SRRM4: variants seen among roughly 807,000 people sequenced by gnomAD.
SRRM4 encodes the protein serine/arginine repetitive matrix 4, also known as serine/arginine repetitive matrix protein 4.
A neutral mutation model predicts 68.9 loss-of-function variants in SRRM4; 33 were observed. That is an observed-to-expected ratio of 0.48 (90% CI 0.36 to 0.64). SRRM4 has a LOEUF of 0.64. SRRM4 is among the 30% of genes least tolerant of loss of function. The pLI, the probability that SRRM4 is intolerant of heterozygous loss-of-function variation, is 0.00. For synonymous variants in SRRM4, 318 were observed against 318.8 expected, an observed-to-expected ratio of 1.00 and a Z score of 0.03; for missense variants, 817 against 827.1, an observed-to-expected ratio of 0.99 and a Z score of 0.15.
chr12:119,010,444 A>G (rs1257545418), intron 1 of SRRM4, among the ~76,000 whole-genome samples: 1 of 152,222 alleles, frequency 6.6e-6, no homozygotes, highest in Non-Finnish European at 1.5e-5. Flanking sequence ...TGGGAGGCCA[A>G]CAAGGGGTTT....
chr12:119,042,565 GA>G (rs1301893036), intron 1 of SRRM4, among the ~76,000 whole-genome samples: 18 of 151,542 alleles, frequency 1.2e-4, no homozygotes, highest in Non-Finnish European at 1.3e-4. Context: ...CTGAGAGGAA[GA>G]GGGGGTGGTA....
chr12:119,067,212 G>A (rs1201418307), intron 1 of SRRM4, among the ~76,000 whole-genome samples: 1 of 151,994 alleles, frequency 6.6e-6, no homozygotes, highest in Non-Finnish European at 1.5e-5. Context: ...TTTTACGAGG[G>A]CAGAAACCAT....
intron 1 of SRRM4, among the ~76,000 whole-genome samples, chr12:119,065,508 G>A (rs1454304045): frequency 1.3e-5 from 2 of 152,150 alleles, no homozygotes; most frequent in East Asian, 1.9e-4. Flanking sequence ...AGGCTGAAGC[G>A]GGAAGATCAC....
intron 1 of SRRM4, among the ~76,000 whole-genome samples, chr12:119,079,069 G>A (rs770287758): frequency 6.6e-6 from 1 of 152,220 alleles, no homozygotes; most frequent in Non-Finnish European, 1.5e-5. Flanking sequence ...AGGTGAGGGG[G>A]TGGTCCAGGA....
At chr12:119,106,889 G>A (rs1189606330) in intron 2 of SRRM4, among the ~76,000 whole-genome samples, 2 of 152,194 alleles carry the variant, frequency 1.3e-5, no homozygotes, top group East Asian at 1.9e-4. Context: ...TCTTGTGCCA[G>A]TTTTCAAAGG....
intron 2 of SRRM4, among the ~76,000 whole-genome samples, chr12:119,106,462 G>C (rs1244004608): frequency 2.0e-5 from 3 of 152,000 alleles, no homozygotes; most frequent in Non-Finnish European, 4.4e-5. Context: ...TCTTCCATTT[G>C]TTTGTGTCCT....
At chr12:118,987,110 C>T (rs765187791) in intron 1 of SRRM4, among the ~76,000 whole-genome samples, 1 of 152,104 alleles carries the variant, frequency 6.6e-6, no homozygotes, top group South Asian at 2.1e-4. Context: ...TATCCAGGCT[C>T]AAATCTTTCT....
Position 119,094,203 on chromosome 12 carries a change from C to T in SRRM4, c.132-8033C>T, listed in dbSNP as rs538433712. The stretch of plus-strand genomic sequence containing the variant: ...ACTGGACTAAGCCATTCTCATCCAT[C>T]GCCTGTGGAGAGGGAGTGGTGGGGA... On this transcript the variant is annotated intron_variant, in intron 1 of 12. Coordinates refer to ENST00000267260, the MANE Select transcript of SRRM4 (RefSeq NM_194286.4). 8.5e-5 allele frequency among the ~76,000 whole-genome samples: 13 copies of T among 152,182 alleles called. No homozygotes were observed. In the East Asian group the frequency reaches 1.2e-3, roughly 14 times the overall value.
At chr12:119,152,558 G>C (rs983913121) in intron 10 of SRRM4, among the ~76,000 whole-genome samples, 2 of 151,980 alleles carry the variant, frequency 1.3e-5, no homozygotes, top group Non-Finnish European at 2.9e-5. Flanking sequence ...GCTATTTCAG[G>C]TTTTTAATTC....
chr12:119,109,503 G>A (rs958137860), intron 2 of SRRM4, among the ~76,000 whole-genome samples: 1 of 152,148 alleles, frequency 6.6e-6, no homozygotes, highest in Non-Finnish European at 1.5e-5. Context: ...ATTTCTTGGA[G>A]GCTTTGTTCA....
intron 8 of SRRM4, among the ~76,000 whole-genome samples, chr12:119,142,569 G>T (rs1009733460): frequency 3.3e-5 from 5 of 152,224 alleles, no homozygotes; most frequent in Non-Finnish European, 5.9e-5. Context: ...CTAGGAACAA[G>T]TACTTGGGAG....
At chr12:119,091,227 A>G (rs927767652) in intron 1 of SRRM4, among the ~76,000 whole-genome samples, 1 of 152,176 alleles carries the variant, frequency 6.6e-6, no homozygotes, top group Non-Finnish European at 1.5e-5. Context: ...CCTGCAGTGG[A>G]GGGAGAGACA....
intron 2 of SRRM4, among the ~76,000 whole-genome samples, chr12:119,111,071 T>C (rs73408085): frequency 0.017 from 2,544 of 152,318 alleles, 72 homozygotes; most frequent in African/African-American, 0.058. Context: ...TTAACTACCA[T>C]TTGTTTAACC....
intron 5 of SRRM4, among the ~76,000 whole-genome samples, chr12:119,121,198 G>A (rs1480000415): frequency 1.3e-5 from 2 of 152,166 alleles, no homozygotes; most frequent in Non-Finnish European, 2.9e-5. Flanking sequence ...ACTGCCTAGG[G>A]TGAGTCTCAA....
intron 1 of SRRM4, among the ~76,000 whole-genome samples, chr12:119,065,725 T>C (rs1592883827): frequency 1.3e-5 from 2 of 151,932 alleles, no homozygotes. Context: ...GCACTCCAGC[T>C]TGGGCAACAG....
chr12:119,082,372 T>C (rs1953954269), intron 1 of SRRM4, among the ~76,000 whole-genome samples: 1 of 152,180 alleles, frequency 6.6e-6, no homozygotes, highest in Non-Finnish European at 1.5e-5. Context: ...TCAGCCAGTG[T>C]AATTTGGGAA....
In SRRM4 at chr12:118,995,566, T is replaced by C. The variant is rs368667758; in HGVS notation, c.131+13553T>C. ...ATAGTTCTATTTTGGGACTTGCCAA[T>C]TTGATGCTACATTAATGTAGAATGC... On this transcript the variant is annotated intron_variant, in intron 1 of 12. Coordinates refer to ENST00000267260, the MANE Select transcript of SRRM4 (RefSeq NM_194286.4). 1.6e-3 allele frequency among the ~76,000 whole-genome samples: 242 copies of C among 152,274 alleles called. No homozygotes were observed. In the South Asian group the frequency reaches 0.03, roughly 19 times the overall value.
At chr12:118,999,134 G>C (rs775241904) in intron 1 of SRRM4, among the ~76,000 whole-genome samples, 6 of 152,166 alleles carry the variant, frequency 3.9e-5, no homozygotes, top group Non-Finnish European at 8.8e-5. Context: ...GGATGTTAGG[G>C]GTCCAAGGAC....
intron 4 of SRRM4, among the ~76,000 whole-genome samples, chr12:119,117,453 C>T (rs1162883641): frequency 2.6e-5 from 4 of 152,178 alleles, no homozygotes; most frequent in Non-Finnish European, 5.9e-5. Context: ...AAATGCCCCT[C>T]TTGTCAGTCC....
Sources: allele counts gnomAD v4.1 joint callset (sites outside exome capture counted in the v4.1 genomes callset), GRCh38; gene constraint gnomAD v4.1.1; transcripts MANE v1.5; gene names NCBI Gene and HGNC (gene_info 2026-07-23, HGNC 2026-07-21).